RAP1GAP: variants seen among roughly 807,000 people sequenced by gnomAD.
RAP1GAP encodes the protein rap1 GTPase-activating protein 1.
Under a neutral mutation model 87.2 loss-of-function variants are expected in RAP1GAP, and 35 were observed. The observed-to-expected ratio is 0.40, with a 90% CI of 0.31 to 0.53. The LOEUF (loss-of-function observed/expected upper bound fraction) is 0.53. Ranked by LOEUF, RAP1GAP falls within the 20% of genes least tolerant of loss-of-function variation. The pLI is 0.48. For synonymous variants in RAP1GAP, 375 were observed against 363.9 expected (o/e 1.03, Z -0.35); for missense variants, 734 against 898.9 (o/e 0.82, Z 2.35).
At chr1:21,617,610 G>A in intron 6 of RAP1GAP, 119 bp from the exon 7 acceptor site, 1 of 1,195,602 alleles carries the variant, frequency 8.4e-7, no homozygotes, top group Non-Finnish European at 1.2e-6. Context: ...GAGGGGACAG[G>A]CCAGAGCCTG....
intron 2 of RAP1GAP, among the ~76,000 whole-genome samples, chr1:21,642,270 T>C (rs1230824489): frequency 2.6e-5 from 4 of 152,218 alleles, no homozygotes; most frequent in Non-Finnish European, 5.9e-5. Flanking sequence ...CCGCACCCAC[T>C]GCAGGCGCAG....
intron 2 of RAP1GAP, among the ~76,000 whole-genome samples, chr1:21,639,533 C>G (rs1244642674): frequency 6.6e-6 from 1 of 152,186 alleles, no homozygotes; most frequent in Non-Finnish European, 1.5e-5. Context: ...TCTGTTTCCT[C>G]GGCTATAAAA....
In RAP1GAP at chr1:21,634,746, C is replaced by G; in HGVS notation, c.-112-8349G>C. On this transcript the variant is annotated intron_variant, in intron 2 of 24. Coordinates refer to ENST00000374765, the MANE Select transcript of RAP1GAP (RefSeq NM_002885.4). This position sits in a 1 kb window ranked among gnomAD's most constrained non-coding sequence, Gnocchi z 4.1. ...TGCCCAGGGCACAGCATCTGGGAAC[C>G]AGGCCACCCATTTACCTGCTGTCTA... 1 of 472,152 alleles carries G rather than the reference C, an allele frequency of 2.1e-6. No homozygotes were observed. Among genetic ancestry groups the G allele is most frequent in the South Asian group, 1.5e-5 (1 of 64,792 alleles). 29.2% of individuals were successfully genotyped at this position (472,152 alleles called of 1,614,324 possible).
chr1:21,637,972 C>G (rs1359485770), intron 2 of RAP1GAP, among the ~76,000 whole-genome samples: 3 of 70,152 alleles, frequency 4.3e-5, no homozygotes, highest in African/African-American at 5.9e-5. Context: ...CCATCTCTAC[C>G]AAAAAAAAAA....
intron 2 of RAP1GAP, among the ~76,000 whole-genome samples, chr1:21,646,190 G>A (rs1008609483): frequency 2.6e-5 from 4 of 152,236 alleles, no homozygotes; most frequent in African/African-American, 7.2e-5. Context: ...CCATATATGG[G>A]AGAGACTGGT....
intron 1 of RAP1GAP, among the ~76,000 whole-genome samples, chr1:21,659,351 A>C (rs2097010879): frequency 6.6e-6 from 1 of 152,140 alleles, no homozygotes. Flanking sequence ...ATCTCAGAGA[A>C]GGGTGGGGAC....
At position 21,626,355 on chromosome 1, in the gene RAP1GAP, G is replaced by T; in HGVS notation, c.-70C>A. ...AGGGAACTAAGTTCACTCGTGACAG[G>T]TCTAGTGCCTGAGGGAAGTGCTGGT... On this transcript the variant is annotated 5_prime_UTR_variant, in exon 3 of 25. Coordinates refer to ENST00000374765, the MANE Select transcript of RAP1GAP (RefSeq NM_002885.4). 1 of 1,613,342 alleles carries T rather than the reference G, an allele frequency of 6.2e-7. No individual in the cohort carries two copies. The highest frequency in any genetic ancestry group is 1.1e-5 in the South Asian group (1 of 91,080).
intron 13 of RAP1GAP, 82 bp downstream of exon 13, chr1:21,611,370 C>T: frequency 6.6e-7 from 1 of 1,512,824 alleles, no homozygotes; most frequent in Non-Finnish European, 8.9e-7. Context: ...CAGCGCTGAG[C>T]CTGGCGTGAT....
At chr1:21,600,827 G>T (rs1242956527) in intron 20 of RAP1GAP, among the ~76,000 whole-genome samples, 2 of 141,798 alleles carry the variant, frequency 1.4e-5, no homozygotes, top group African/African-American at 5.4e-5. Context: ...GGAGCTTGCA[G>T]TGAGCCGAGA....
rs1553459512 is a variant in RAP1GAP at position 21,622,608 on chromosome 1, A to ACGGCGCGGGG, written c.-18-2568_-18-2559dup. The ACGGCGCGGGG allele has an allele frequency of 1.4e-5, 2 of 145,644 alleles. No homozygotes were observed. Among genetic ancestry groups the ACGGCGCGGGG allele is most frequent in the Non-Finnish European group, 3.1e-5 (2 of 65,542 alleles). 9.0% of individuals were successfully genotyped at this position (145,644 alleles called of 1,614,324 possible). A position where few individuals can be genotyped will look rare whatever the true frequency, so the allele number is the denominator to read the frequency against. ...GGGCGGGGCGCCAGGTACGGGCGGC[A>ACGGCGCGGGG]CGGCGCGGGGCGGGGCGGGGCGGGG... On this transcript the variant is annotated intron_variant, in intron 3 of 24. Coordinates refer to ENST00000374765, the MANE Select transcript of RAP1GAP (RefSeq NM_002885.4). The surrounding 1 kb of genome is among the most constrained non-coding windows in gnomAD (Gnocchi z 5.7).
At chr1:21,648,415 A>C (rs1468807041) in intron 2 of RAP1GAP, among the ~76,000 whole-genome samples, 3 of 152,218 alleles carry the variant, frequency 2.0e-5, no homozygotes, top group African/African-American at 7.2e-5. Flanking sequence ...GGCTCTGCAC[A>C]GAGTCTGGAA....
intron 2 of RAP1GAP, among the ~76,000 whole-genome samples, chr1:21,628,676 C>T (rs192992233): frequency 7.2e-4 from 110 of 152,018 alleles, no homozygotes; most frequent in Non-Finnish European, 1.0e-3. Context: ...GCTGAAATTG[C>T]GCCACTGCAC....
intron 18 of RAP1GAP, among the ~76,000 whole-genome samples, chr1:21,605,111 G>A (rs959275105): frequency 2.0e-5 from 3 of 152,122 alleles, no homozygotes; most frequent in African/African-American, 4.8e-5. Flanking sequence ...TGGGTGCAGT[G>A]TCCTGGGGTG....
chr1:21,602,982 T>A, intron 18 of RAP1GAP, 69 bp from the exon 19 acceptor site: 4 of 1,148,902 alleles, frequency 3.5e-6, no homozygotes, highest in Non-Finnish European at 5.1e-6. Flanking sequence ...ACATCCCCTC[T>A]GGGGATCCTG....
intron 1 of RAP1GAP, among the ~76,000 whole-genome samples, chr1:21,660,835 CACAAAG>C (rs2097129210): frequency 6.6e-6 from 1 of 152,118 alleles, no homozygotes; most frequent in Non-Finnish European, 1.5e-5. Flanking sequence ...CTTTGGGATA[CACAAAG>C]CCCAGGAGCC....
At position 21,603,634 on chromosome 1, in the gene RAP1GAP, G is replaced by A. The variant is rs759358454; in HGVS notation, c.1429-721C>T. ...GGCAGGGCCAGAAGCCCCTGGTGAG[G>A]GGCACTGGCTCTGGCACAGGTACCA... On this transcript the variant is annotated intron_variant, in intron 18 of 24. Coordinates refer to ENST00000374765, the MANE Select transcript of RAP1GAP (RefSeq NM_002885.4). This position sits in a 1 kb window ranked among gnomAD's most constrained non-coding sequence, Gnocchi z 6.0. 1 of 750,014 alleles carries A rather than the reference G, an allele frequency of 1.3e-6. No homozygotes were observed. The highest frequency in any genetic ancestry group is 1.4e-5 in the South Asian group (1 of 71,660). The allele number at this position is 750,014 out of a possible 1,614,324, so 46.5% of individuals were successfully genotyped here.
intron 16 of RAP1GAP, 30 bp downstream of exon 16, chr1:21,608,820 G>T: frequency 6.3e-7 from 1 of 1,587,778 alleles, no homozygotes; most frequent in Non-Finnish European, 8.6e-7. Context: ...GTGAGAAGAG[G>T]GTCACCCAGC....
chr1:21,619,081 G>C lies in RAP1GAP; in HGVS notation c.19-9C>G. 6.3e-7 allele frequency: 1 copy of C among 1,595,240 alleles called. No homozygotes were observed. Among genetic ancestry groups the C allele is most frequent in the Non-Finnish European group, 8.5e-7 (1 of 1,169,600 alleles). On this transcript the variant is annotated splice_polypyrimidine_tract_variant and intron_variant, in intron 4 of 24. Transcript: ENST00000374765. ...TCATCCATCCTGCTTCCCTGTAAGAGAAGGCAGCACTGTTACACCCTCCCA... is the reference window on the plus strand; with the variant it reads ...TCATCCATCCTGCTTCCCTGTAAGACAAGGCAGCACTGTTACACCCTCCCA...
intron 1 of RAP1GAP, among the ~76,000 whole-genome samples, chr1:21,655,139 G>GAAA (rs750522857): frequency 8.6e-6 from 1 of 116,526 alleles, no homozygotes. Flanking sequence ...GACTCTGTCT[G>GAAA]AAAAAAAAAA....
Sources: gnomAD v4.1 joint callset for allele counts (sites outside exome capture counted in the v4.1 genomes callset) on GRCh38, gnomAD v4.1.1 for gene constraint, Gnocchi (gnomAD v3.1) non-coding constraint, MANE v1.5 for transcripts, NCBI Gene and HGNC (gene_info 2026-07-23, HGNC 2026-07-21) for gene names.